Variants in SCHIP1 observed in about 807,000 individuals in gnomAD.
The protein encoded by SCHIP1 is schwannomin interacting protein 1, also known as schwannomin-interacting protein 1.
A neutral mutation model predicts 29.7 loss-of-function variants in SCHIP1; 8 were observed. The ratio of observed to expected loss-of-function variants is 0.27; its 90% CI spans 0.16 to 0.49. The LOEUF (loss-of-function observed/expected upper bound fraction) is 0.49, where lower values mean the gene tolerates loss of function less well. Ranked by LOEUF, SCHIP1 falls within the 20% of genes least tolerant of loss-of-function variation. The pLI is 0.99. For missense variants in SCHIP1, 193 were observed against 294.6 expected, an observed-to-expected ratio of 0.66 and a Z score of 2.52; for synonymous variants, 76 against 94.9, an observed-to-expected ratio of 0.80 and a Z score of 1.16.
the SCHIP1 span, among the ~76,000 whole-genome samples, chr3:159,554,469 G>A: frequency 3.3e-5 from 5 of 152,202 alleles, no homozygotes; most frequent in Admixed American, 6.5e-5. Context: ...CTTAAAAATC[G>A]TATTAACAAG....
chr3:159,447,180 T>C, the SCHIP1 span, among the ~76,000 whole-genome samples: 1 of 152,212 alleles, frequency 6.6e-6, no homozygotes, highest in Non-Finnish European at 1.5e-5. Context: ...TTACTCATCC[T>C]AGTGTCAGTG....
the SCHIP1 span, among the ~76,000 whole-genome samples, chr3:159,628,409 G>A: frequency 2.6e-5 from 4 of 152,148 alleles, no homozygotes; most frequent in Non-Finnish European, 5.9e-5. Context: ...TACCATGCAT[G>A]CCAAGAACTA....
the SCHIP1 span, among the ~76,000 whole-genome samples, chr3:159,819,011 C>T: frequency 6.6e-6 from 1 of 152,196 alleles, no homozygotes; most frequent in Non-Finnish European, 1.5e-5. Flanking sequence ...GTGTTTGTGG[C>T]ACAGAATTTC....
the SCHIP1 span, among the ~76,000 whole-genome samples, chr3:159,605,894 A>G: frequency 2.6e-5 from 4 of 152,138 alleles, no homozygotes; most frequent in East Asian, 5.8e-4. Context: ...GAAAAACAAT[A>G]AGAGTAATTC....
At chr3:159,885,865 C>T (rs2109430926) in intron 2 of SCHIP1, among the ~76,000 whole-genome samples, 1 of 152,360 alleles carries the variant, frequency 6.6e-6, no homozygotes, top group African/African-American at 2.4e-5. Context: ...GCCTTATTTG[C>T]CCGAGGACCC....
chr3:159,646,891 G>A, the SCHIP1 span, among the ~76,000 whole-genome samples: 11 of 152,018 alleles, frequency 7.2e-5, no homozygotes, highest in East Asian at 1.9e-3. Flanking sequence ...AATACTAAAA[G>A]AGACCCAGGA....
the SCHIP1 span, among the ~76,000 whole-genome samples, chr3:159,277,182 A>G: frequency 2.6e-5 from 4 of 152,144 alleles, no homozygotes; most frequent in African/African-American, 9.7e-5. Flanking sequence ...CACCGGTTTC[A>G]TTTTGTGTGC....
the SCHIP1 span, among the ~76,000 whole-genome samples, chr3:159,601,918 A>G: frequency 6.6e-6 from 1 of 152,174 alleles, no homozygotes; most frequent in African/African-American, 2.4e-5. Flanking sequence ...TTGTTCCGAG[A>G]GCAGAATGCT....
the SCHIP1 span, among the ~76,000 whole-genome samples, chr3:159,391,713 T>A: frequency 6.6e-6 from 1 of 152,216 alleles, no homozygotes; most frequent in East Asian, 1.9e-4. Context: ...TTCTTTTTAT[T>A]TCTCTTTGCC....
At chr3:159,698,093 G>A in the SCHIP1 span, among the ~76,000 whole-genome samples, 1 of 152,216 alleles carries the variant, frequency 6.6e-6, no homozygotes, top group South Asian at 2.1e-4. Context: ...TCCCCTCACA[G>A]AACTTATATG....
At chr3:159,769,248 T>A in the SCHIP1 span, among the ~76,000 whole-genome samples, 3 of 136,156 alleles carry the variant, frequency 2.2e-5, no homozygotes, top group East Asian at 7.7e-4. Context: ...CTTGCTCCTG[T>A]TCAAAAGGCT....
At chr3:159,446,532 A>G in the SCHIP1 span, among the ~76,000 whole-genome samples, 1 of 150,278 alleles carries the variant, frequency 6.7e-6, no homozygotes, top group African/African-American at 2.5e-5. Context: ...ACAGCAATAC[A>G]ATATTGTTGC....
chr3:159,639,745 T>C, the SCHIP1 span, among the ~76,000 whole-genome samples: 1 of 152,148 alleles, frequency 6.6e-6, no homozygotes, highest in African/African-American at 2.4e-5. Flanking sequence ...CTCCACGTAG[T>C]TTGGAAGGTA....
chr3:159,695,357 A>G, the SCHIP1 span, among the ~76,000 whole-genome samples: 1 of 151,982 alleles, frequency 6.6e-6, no homozygotes, highest in East Asian at 1.9e-4. Flanking sequence ...CCTATGATTG[A>G]CCCTTCCTCC....
the SCHIP1 span, among the ~76,000 whole-genome samples, chr3:159,385,987 T>C: frequency 6.6e-6 from 1 of 152,150 alleles, no homozygotes; most frequent in Non-Finnish European, 1.5e-5. Flanking sequence ...AGAATGATGG[T>C]TTCCAGTTTT....
chr3:159,335,381 G>C, the SCHIP1 span, among the ~76,000 whole-genome samples: 41 of 151,962 alleles, frequency 2.7e-4, no homozygotes, highest in Non-Finnish European at 1.2e-4. Context: ...TAGGGTACAT[G>C]TGCACAATGC....
At chr3:159,865,687 C>T (rs1362348903) in intron 1 of SCHIP1, among the ~76,000 whole-genome samples, 1 of 152,156 alleles carries the variant, frequency 6.6e-6, no homozygotes, top group African/African-American at 2.4e-5. Flanking sequence ...TCTGCCAGCT[C>T]CCAGAGGCTG....
chr3:159,782,164 A>C, the SCHIP1 span, among the ~76,000 whole-genome samples: 11 of 152,328 alleles, frequency 7.2e-5, no homozygotes, highest in African/African-American at 2.6e-4. Context: ...CCAAAAAGGG[A>C]GACAAGGTTG....
chr3:159,647,252 G>A, the SCHIP1 span, among the ~76,000 whole-genome samples: 6 of 152,028 alleles, frequency 3.9e-5, no homozygotes. Context: ...CAAAAATAAG[G>A]AAGTCGTAGG....
Sources: gnomAD v4.1 joint callset for allele counts (sites outside exome capture counted in the v4.1 genomes callset) on GRCh38, gnomAD v4.1.1 for gene constraint, MANE v1.5 for transcripts, NCBI Gene and HGNC (gene_info 2026-07-23, HGNC 2026-07-21) for gene names.